The following ARHGEF10L variants were observed in gnomAD, a reference collection of about 807,000 sequenced individuals.
ARHGEF10L encodes the protein Rho guanine nucleotide exchange factor 10 like.
A neutral mutation model predicts 141.2 loss-of-function variants in ARHGEF10L; 69 were observed. That is an observed-to-expected ratio of 0.49 (90% CI 0.40 to 0.60). The LOEUF is 0.60. Ranked by LOEUF, ARHGEF10L falls within the 20% of genes least tolerant of loss-of-function variation. The pLI is 0.00. For synonymous variants in ARHGEF10L, 711 were observed against 718.5 expected (o/e 0.99, Z 0.17); for missense variants, 1,482 against 1,734.3 (o/e 0.85, Z 2.58).
chr1:17,613,384 A>G (rs1204702406), intron 8 of ARHGEF10L, among the ~76,000 whole-genome samples: 2 of 152,002 alleles, frequency 1.3e-5, no homozygotes, highest in Non-Finnish European at 2.9e-5. Context: ...CCATGTTCTC[A>G]CCCCTATCTT....
At chr1:17,677,341 G>C (rs533235011) in intron 26 of ARHGEF10L, among the ~76,000 whole-genome samples, 2 of 152,352 alleles carry the variant, frequency 1.3e-5, no homozygotes, top group South Asian at 2.1e-4. Flanking sequence ...CCTTACCTCT[G>C]TCTGTCTGTC....
intron 4 of ARHGEF10L, among the ~76,000 whole-genome samples, chr1:17,588,849 AGTGTGTGTGTGTGTGT>A (rs57719075): frequency 2.9e-4 from 6 of 20,432 alleles, no homozygotes; most frequent in Admixed American, 2.5e-3. Flanking sequence ...GAGGGTCCCC[AGTGTGTGTGTGTGTGT>A]GTGTGTGTGT....
intron 28 of ARHGEF10L, among the ~76,000 whole-genome samples, chr1:17,695,571 G>T (rs2279815): frequency 0.81 from 123,556 of 152,184 alleles, 50,392 homozygotes; most frequent in East Asian, 0.91. Flanking sequence ...CCTTTCTGCT[G>T]CTTCCCATAG....
intron 2 of ARHGEF10L, among the ~76,000 whole-genome samples, chr1:17,583,256 T>A (rs1326367216): frequency 6.7e-6 from 1 of 148,522 alleles, no homozygotes; most frequent in Admixed American, 6.7e-5. Flanking sequence ...TCCCTGGACA[T>A]GGCTGGGGGC....
chr1:17,596,695 C>T (rs1399536079), intron 4 of ARHGEF10L, among the ~76,000 whole-genome samples: 1 of 152,152 alleles, frequency 6.6e-6, no homozygotes, highest in African/African-American at 2.4e-5. Context: ...CCTGTAGCAG[C>T]CCCTGCAGGG....
chr1:17,571,991 TG>T (rs2078021312), intron 1 of ARHGEF10L, among the ~76,000 whole-genome samples: 1 of 152,150 alleles, frequency 6.6e-6, no homozygotes, highest in African/African-American at 2.4e-5. Context: ...GAGGCCAGTT[TG>T]GGGGGGCTCC....
At chr1:17,581,808 C>T (rs1037659261) in intron 2 of ARHGEF10L, among the ~76,000 whole-genome samples, 4 of 151,108 alleles carry the variant, frequency 2.6e-5, no homozygotes, top group African/African-American at 4.9e-5. Context: ...GGACAGACAG[C>T]GTGTGCCATG....
At chr1:17,682,531 T>C (rs763592423) in intron 26 of ARHGEF10L, among the ~76,000 whole-genome samples, 1 of 152,204 alleles carries the variant, frequency 6.6e-6, no homozygotes, top group Non-Finnish European at 1.5e-5. Flanking sequence ...TTCTTTTCTA[T>C]GCGGATGTGA....
intron 28 of ARHGEF10L, 84 bp from the exon 29 acceptor site, chr1:17,696,764 A>G: frequency 7.1e-7 from 1 of 1,401,064 alleles, no homozygotes; most frequent in African/African-American, 1.4e-5. Context: ...CCCACCCAGA[A>G]TGTTCTCCAG....
chr1:17,535,310 G>C (rs61061049), upstream of ARHGEF10L, among the ~76,000 whole-genome samples: 3,587 of 152,314 alleles, frequency 0.024, 147 homozygotes, highest in African/African-American at 0.081. Flanking sequence ...GTGGTAATGT[G>C]AGTGATGGGC....
chr1:17,621,730 C>T lies in ARHGEF10L; in HGVS notation c.943-134C>T, dbSNP rs753154147. On this transcript the variant is annotated intron_variant, in intron 10 of 28. Coordinates refer to ENST00000361221, the MANE Select transcript of ARHGEF10L (RefSeq NM_018125.4). This position sits in a 1 kb window ranked among gnomAD's most constrained non-coding sequence, Gnocchi z 4.1. ...GGGCTCTGGAAGGAAGAGTGGCCAC[C>T]AGGCCCAGTGGTCCCAGGTGGGACC... The T allele has an allele frequency of 6.7e-5, 51 of 760,694 alleles. No homozygotes were observed. The highest frequency in any genetic ancestry group is 1.1e-4 in the Non-Finnish European group (48 of 440,862). The allele number at this position is 760,694 out of a possible 1,614,324, so 47.1% of individuals were successfully genotyped here.
chr1:17,677,999 G>A (rs1045516339), intron 26 of ARHGEF10L, among the ~76,000 whole-genome samples: 3 of 152,122 alleles, frequency 2.0e-5, no homozygotes, highest in South Asian at 2.1e-4. Flanking sequence ...TGGGGGCTGC[G>A]GGTGAGCTGA....
At chr1:17,535,815 T>C (rs1208190819), upstream of ARHGEF10L, among the ~76,000 whole-genome samples, 4 of 152,224 alleles carry the variant, frequency 2.6e-5, no homozygotes, top group Non-Finnish European at 5.9e-5. Context: ...TCCACTCATC[T>C]ATTCAGCACA....
intron 4 of ARHGEF10L, among the ~76,000 whole-genome samples, chr1:17,599,510 A>G (rs1165161025): frequency 6.6e-6 from 1 of 152,156 alleles, no homozygotes; most frequent in Non-Finnish European, 1.5e-5. Context: ...TCCAGCCGGA[A>G]GAGTTTGGTT....
intron 21 of ARHGEF10L, among the ~76,000 whole-genome samples, chr1:17,648,158 T>C (rs1401706453): frequency 2.0e-5 from 3 of 152,254 alleles, no homozygotes; most frequent in Non-Finnish European, 2.9e-5. Flanking sequence ...GGGTCTGGAC[T>C]CTGTTCAGCA....
intron 21 of ARHGEF10L, among the ~76,000 whole-genome samples, chr1:17,645,312 A>G (rs1571217697): frequency 6.6e-6 from 1 of 152,004 alleles, no homozygotes; most frequent in South Asian, 2.1e-4. Context: ...CAACGACTCC[A>G]TTTTCTTGTA....
intron 18 of ARHGEF10L, among the ~76,000 whole-genome samples, chr1:17,636,205 T>A (rs1445400488): frequency 6.6e-6 from 1 of 152,164 alleles, no homozygotes; most frequent in Non-Finnish European, 1.5e-5. Flanking sequence ...AGGGGATCCC[T>A]CCTTCGGTGA....
intron 17 of ARHGEF10L, 28 bp downstream of exon 17, chr1:17,634,590 C>A: frequency 1.2e-6 from 2 of 1,603,642 alleles, no homozygotes; most frequent in Non-Finnish European, 1.7e-6. Context: ...CTCCGGGGCT[C>A]TGGGGCTCTG....
intron 1 of ARHGEF10L, among the ~76,000 whole-genome samples, chr1:17,540,716 G>A (rs2076694661): frequency 1.3e-5 from 2 of 152,166 alleles, no homozygotes; most frequent in South Asian, 4.1e-4. Flanking sequence ...CGTTGCATCA[G>A]TGCCAAGTAG....
Sources: gnomAD v4.1 joint callset for allele counts (sites outside exome capture counted in the v4.1 genomes callset) on GRCh38, gnomAD v4.1.1 for gene constraint, Gnocchi (gnomAD v3.1) non-coding constraint, MANE v1.5 for transcripts, NCBI Gene and HGNC (gene_info 2026-07-23, HGNC 2026-07-21) for gene names.